The following DLG1 variants were observed in gnomAD, a reference collection of about 807,000 sequenced individuals.
DLG1 encodes the protein disks large homolog 1.
A neutral mutation model predicts 123.4 loss-of-function variants in DLG1; 42 were observed. That is an observed-to-expected ratio of 0.34 (90% CI 0.27 to 0.44). The LOEUF (loss-of-function observed/expected upper bound fraction) is 0.44, where lower values mean the gene tolerates loss of function less well. Ranked by LOEUF, DLG1 falls within the 20% of genes least tolerant of loss-of-function variation. The probability of loss-of-function intolerance (pLI) is 1.00; values close to 1 mark genes in which losing one functional copy is unlikely to be tolerated. For synonymous variants in DLG1, 317 were observed against 356.2 expected (o/e 0.89, Z 1.24); for missense variants, 942 against 1,082.6 (o/e 0.87, Z 1.82).
chr3:197,182,381 C>T (rs1712781456), intron 5 of DLG1, among the ~76,000 whole-genome samples: 1 of 152,086 alleles, frequency 6.6e-6, no homozygotes, highest in South Asian at 2.1e-4. Flanking sequence ...ATGACTCCCC[C>T]TTCCTAGGTA....
intron 5 of DLG1, among the ~76,000 whole-genome samples, chr3:197,175,515 T>TAA (rs1238387017): frequency 6.6e-6 from 1 of 152,232 alleles, no homozygotes; most frequent in Non-Finnish European, 1.5e-5. Context: ...TGCTAGTTTT[T>TAA]AAGCCATAGT....
chr3:197,048,130 G>T (rs1724688704), intron 24 of DLG1, among the ~76,000 whole-genome samples: 1 of 152,186 alleles, frequency 6.6e-6, no homozygotes, highest in Admixed American at 6.5e-5. Context: ...TGGCCAGCAG[G>T]TATCAGTAAA....
At chr3:197,175,225 G>A (rs1806378446) in intron 5 of DLG1, among the ~76,000 whole-genome samples, 1 of 152,162 alleles carries the variant, frequency 6.6e-6, no homozygotes, top group Non-Finnish European at 1.5e-5. Flanking sequence ...GTAGGCTACT[G>A]TTCTCTACAT....
intron 24 of DLG1, among the ~76,000 whole-genome samples, chr3:197,048,330 G>T (rs941969199): frequency 6.6e-6 from 1 of 152,144 alleles, no homozygotes; most frequent in African/African-American, 2.4e-5. Context: ...AATTAGCCGG[G>T]TGTGGTGGCA....
At chr3:197,059,018 T>C (rs933509176) in intron 23 of DLG1, among the ~76,000 whole-genome samples, 21 of 152,158 alleles carry the variant, frequency 1.4e-4, no homozygotes, top group Non-Finnish European at 2.8e-4. Context: ...CTCCGCCTCC[T>C]GGGTTCACGC....
chr3:197,195,913 G>GA (rs1014013447), intron 4 of DLG1, among the ~76,000 whole-genome samples: 3 of 151,346 alleles, frequency 2.0e-5, no homozygotes, highest in African/African-American at 7.3e-5. Context: ...AAACTTAGAG[G>GA]AAAAAACGCT....
chr3:197,280,257 C>A (rs895139011), intron 4 of DLG1, among the ~76,000 whole-genome samples: 15 of 152,114 alleles, frequency 9.9e-5, no homozygotes, highest in African/African-American at 3.6e-4. Flanking sequence ...GGCTTAATTT[C>A]ACATAATGAC....
chr3:197,229,318 G>A (rs1468868232), intron 4 of DLG1, among the ~76,000 whole-genome samples: 2 of 151,690 alleles, frequency 1.3e-5, no homozygotes, highest in Non-Finnish European at 2.9e-5. Context: ...CACAGCAAGA[G>A]TCCATCTCTA....
chr3:197,062,957 C>G (rs914686185), intron 22 of DLG1, among the ~76,000 whole-genome samples: 1 of 152,120 alleles, frequency 6.6e-6, no homozygotes, highest in South Asian at 2.1e-4. Context: ...CTCACTCCCA[C>G]TACTGCCATT....
At chr3:197,259,997 A>C (rs1389780639) in intron 4 of DLG1, among the ~76,000 whole-genome samples, 1 of 152,208 alleles carries the variant, frequency 6.6e-6, no homozygotes, top group Non-Finnish European at 1.5e-5. Context: ...TATAATCAGG[A>C]CTTTACAGAC....
At chr3:197,149,000 C>G (rs371596175) in intron 6 of DLG1, among the ~76,000 whole-genome samples, 1 of 152,220 alleles carries the variant, frequency 6.6e-6, no homozygotes. Flanking sequence ...TTTTAATTTG[C>G]ATTTATGTTA....
intron 4 of DLG1, among the ~76,000 whole-genome samples, chr3:197,244,949 A>G (rs375204578): frequency 6.6e-6 from 1 of 152,188 alleles, no homozygotes; most frequent in Non-Finnish European, 1.5e-5. Context: ...AAACGTAGGA[A>G]TGTCAACAGT....
chr3:197,172,845 T>C (rs1039615674), intron 5 of DLG1, among the ~76,000 whole-genome samples: 1 of 152,250 alleles, frequency 6.6e-6, no homozygotes, highest in Admixed American at 6.5e-5. Flanking sequence ...AATGTCCCAT[T>C]TGAAAATAAA....
At chr3:197,258,405 T>C (rs578048999) in intron 4 of DLG1, among the ~76,000 whole-genome samples, 46 of 122,000 alleles carry the variant, frequency 3.8e-4, no homozygotes, top group Non-Finnish European at 6.6e-4. Flanking sequence ...AGATTCTTCA[T>C]TGTGAAGAAC....
chr3:197,051,374 GT>G (rs1397626483), intron 24 of DLG1, among the ~76,000 whole-genome samples: 17 of 152,138 alleles, frequency 1.1e-4, no homozygotes, highest in Non-Finnish European at 2.4e-4. Context: ...GGTGAGCCGA[GT>G]CATACCATTG....
chr3:197,241,615 C>A (rs532448729), intron 4 of DLG1, among the ~76,000 whole-genome samples: 2 of 152,164 alleles, frequency 1.3e-5, no homozygotes, highest in African/African-American at 4.8e-5. Context: ...GTAACAGTTA[C>A]AACAACCTGT....
At chr3:197,066,237 C>G (rs1739448829) in intron 20 of DLG1, among the ~76,000 whole-genome samples, 1 of 151,926 alleles carries the variant, frequency 6.6e-6, no homozygotes, top group South Asian at 2.1e-4. Flanking sequence ...AGTGTAAACT[C>G]TGGGTGGTCT....
rs376147103 is a variant in DLG1, at chr3:197,269,882, A to G, written c.318+12797T>C. ...ACGTGAGTTTAAGAAAGGAAGACAA[A>G]GCATATTGTATTCATTTTAAAATAT... On this transcript the variant is annotated intron_variant, in intron 4 of 24. Coordinates refer to ENST00000667157, the MANE Select transcript of DLG1 (RefSeq NM_001366207.1). 2.0e-5 allele frequency among the ~76,000 whole-genome samples: 3 copies of G among 152,224 alleles called. No individual in the cohort carries two copies. The East Asian group carries it at 5.8e-4, about 29-fold the overall frequency.
chr3:197,239,635 G>A (rs114368433), intron 4 of DLG1, among the ~76,000 whole-genome samples: 2,272 of 152,040 alleles, frequency 0.015, 61 homozygotes, highest in African/African-American at 0.052. Context: ...ATGACCCAGT[G>A]GGATTGGGAT....
Sources: allele counts gnomAD v4.1 joint callset (sites outside exome capture counted in the v4.1 genomes callset), GRCh38; gene constraint gnomAD v4.1.1; transcripts MANE v1.5; gene names NCBI Gene and HGNC (gene_info 2026-07-23, HGNC 2026-07-21).